Variants in OTUB2 observed in about 807,000 individuals in gnomAD.
OTUB2 encodes ubiquitin thioesterase OTUB2.
Under a neutral mutation model 25.1 loss-of-function variants are expected in OTUB2, and 21 were observed. That is an observed-to-expected ratio of 0.84 (90% confidence interval 0.59 to 1.21). OTUB2 has a LOEUF of 1.21. OTUB2 is among the 50% of genes most tolerant of loss of function. OTUB2 has a pLI of 0.00. For synonymous variants in OTUB2, 122 were observed against 122.8 expected, an observed-to-expected ratio of 0.99 and a Z score of 0.04; for missense variants, 283 against 298.0, an observed-to-expected ratio of 0.95 and a Z score of 0.37.
Position 94,046,144 on chromosome 14 carries a change from GCCC to G in OTUB2, c.*225_*227del. On this transcript the variant is annotated 3_prime_UTR_variant, in exon 6 of 6. Coordinates refer to ENST00000203664, the MANE Select transcript of OTUB2 (RefSeq NM_023112.4). Reference sequence around the variant, plus strand: ...GGAGGGACAAATGCTTTCTAACTGGGCCCCCGACTCCGCACCCCAGTTCGCAGT... The same window carrying G: ...GGAGGGACAAATGCTTTCTAACTGGGCCGACTCCGCACCCCAGTTCGCAGT... 3.2e-6 allele frequency: 2 copies of G among 625,702 alleles called. No individual in the cohort carries two copies. Among genetic ancestry groups the G allele is most frequent in the South Asian group, 4.0e-5 (2 of 49,894 alleles). The allele number at this position is 625,702 out of a possible 1,614,324, so 38.8% of individuals were successfully genotyped here.
rs1361960093 is a variant in OTUB2 at position 94,048,881 on chromosome 14, C to T, written c.*2959C>T. 6.6e-6 allele frequency: 1 copy of T among 152,230 alleles called. No individual in the cohort carries two copies. The highest frequency in any genetic ancestry group is 1.5e-5 in the Non-Finnish European group (1 of 68,042). The allele number at this position is 152,230 out of a possible 1,614,324, so 9.4% of individuals were successfully genotyped here. On this transcript the variant is annotated 3_prime_UTR_variant, in exon 6 of 6. Coordinates refer to ENST00000203664, the MANE Select transcript of OTUB2 (RefSeq NM_023112.4). ...GATGTGGGCCAAGCCCTACAGCTTC[C>T]CTAGGCAGTAAGTAAAAACATTCTC...
In OTUB2 at chr14:94,043,722, G is replaced by A. The variant is rs138796979; in HGVS notation, c.219-249G>A. On this transcript the variant is annotated intron_variant, in intron 3 of 5. Coordinates refer to ENST00000203664, the MANE Select transcript of OTUB2 (RefSeq NM_023112.4). ...TTGGAAAAGATGCAAAATCACACACGCCCTTGTCGTATCGTCTTTCCACCA... is the reference window on the plus strand; with the variant it reads ...TTGGAAAAGATGCAAAATCACACACACCCTTGTCGTATCGTCTTTCCACCA... 2.7e-4 allele frequency among the ~76,000 whole-genome samples: 41 copies of A among 152,336 alleles called. 1 individual carries two copies. The East Asian group carries it at 7.1e-3, about 27-fold the overall frequency.
intron 3 of OTUB2, among the ~76,000 whole-genome samples, chr14:94,040,061 C>T (rs1478106297): frequency 6.6e-6 from 1 of 152,280 alleles, no homozygotes; most frequent in Non-Finnish European, 1.5e-5. Flanking sequence ...ACCCCCTCCC[C>T]AAGTCATGAC....
chr14:94,027,113 C>G (rs1189569250), intron 1 of OTUB2, among the ~76,000 whole-genome samples: 1 of 152,090 alleles, frequency 6.6e-6, no homozygotes, highest in Non-Finnish European at 1.5e-5. Flanking sequence ...AGTTAGGGGT[C>G]GGGGAAAAGA....
chr14:94,030,973 G>A (rs1884951653), intron 1 of OTUB2, among the ~76,000 whole-genome samples: 1 of 152,202 alleles, frequency 6.6e-6, no homozygotes, highest in Non-Finnish European at 1.5e-5. Context: ...GTGGCCTCCA[G>A]CACTGTCAGA....
chr14:94,038,768 C>T (rs550847373), intron 2 of OTUB2, among the ~76,000 whole-genome samples, 195 bp from the exon 3 acceptor site: 21 of 152,258 alleles, frequency 1.4e-4, no homozygotes, highest in Non-Finnish European at 2.1e-4. Flanking sequence ...GGGGCAGGGA[C>T]GGACACACAG....
At chr14:94,042,696 G>A (rs1384344543) in intron 3 of OTUB2, among the ~76,000 whole-genome samples, 2 of 152,176 alleles carry the variant, frequency 1.3e-5, no homozygotes, top group Non-Finnish European at 2.9e-5. Flanking sequence ...GGTGGCTCCT[G>A]AGTGAGAGGC....
intron 1 of OTUB2, among the ~76,000 whole-genome samples, chr14:94,029,509 A>T (rs1884920281): frequency 6.6e-6 from 1 of 152,174 alleles, no homozygotes; most frequent in Non-Finnish European, 1.5e-5. Flanking sequence ...TTCTTCCTGT[A>T]TGCCGGTCTG....
intron 3 of OTUB2, among the ~76,000 whole-genome samples, chr14:94,042,135 G>A (rs562021719): frequency 6.6e-6 from 1 of 152,376 alleles, no homozygotes; most frequent in South Asian, 2.1e-4. Flanking sequence ...AGTATGCGAA[G>A]TACTTGTGTG....
chr14:94,030,529 G>A (rs532047753), intron 1 of OTUB2, among the ~76,000 whole-genome samples: 1 of 151,898 alleles, frequency 6.6e-6, no homozygotes, highest in Non-Finnish European at 1.5e-5. Context: ...AAGAGGGAAG[G>A]CCCGGGCCCA....
intron 3 of OTUB2, among the ~76,000 whole-genome samples, chr14:94,041,183 G>C (rs1156580080): frequency 6.6e-6 from 1 of 152,244 alleles, no homozygotes; most frequent in South Asian, 2.1e-4. Context: ...CTCACATGTT[G>C]GACATGGCAG....
intron 1 of OTUB2, among the ~76,000 whole-genome samples, chr14:94,028,877 G>A (rs1884911556): frequency 6.6e-6 from 1 of 152,184 alleles, no homozygotes; most frequent in Non-Finnish European, 1.5e-5. Flanking sequence ...CTGAGTTGAA[G>A]GATGTATATG....
intron 1 of OTUB2, among the ~76,000 whole-genome samples, chr14:94,028,178 G>A (rs1208046468): frequency 2.0e-5 from 3 of 152,258 alleles, no homozygotes; most frequent in African/African-American, 7.2e-5. Context: ...GAAGGATGAA[G>A]TGGTTAACCC....
At chr14:94,033,274 A>G (rs1362494965) in intron 1 of OTUB2, among the ~76,000 whole-genome samples, 2 of 152,114 alleles carry the variant, frequency 1.3e-5, no homozygotes, top group African/African-American at 4.8e-5. Flanking sequence ...CAAAAATGCA[A>G]ATTTTATGTT....
At chr14:94,043,491 G>A (rs1451887773) in intron 3 of OTUB2, among the ~76,000 whole-genome samples, 1 of 152,244 alleles carries the variant, frequency 6.6e-6, no homozygotes, top group Non-Finnish European at 1.5e-5. Context: ...GCCTGCAGTA[G>A]GTGCAGAGAG....
In OTUB2 at chr14:94,043,893, G is replaced by T. The variant is rs879211964; in HGVS notation, c.219-78G>T. On this transcript the variant is annotated intron_variant, in intron 3 of 5. Coordinates refer to ENST00000203664, the MANE Select transcript of OTUB2 (RefSeq NM_023112.4). Reference sequence around the variant, plus strand: ...ATGAGGTTGGTGGGCGCAGTGGGTTGAGAGGGGGACGCACAGTTGCCAATC... The same window carrying T: ...ATGAGGTTGGTGGGCGCAGTGGGTTTAGAGGGGGACGCACAGTTGCCAATC... 11 of 1,355,648 alleles carry T rather than the reference G, an allele frequency of 8.1e-6. No homozygotes were observed. The South Asian group carries it at 1.3e-4, about 16-fold the overall frequency. The allele number at this position is 1,355,648 out of a possible 1,614,324, so 84.0% of individuals were successfully genotyped here.
intron 1 of OTUB2, among the ~76,000 whole-genome samples, chr14:94,027,845 C>G (rs563459646): frequency 1.3e-5 from 2 of 152,238 alleles, no homozygotes; most frequent in African/African-American, 4.8e-5. Flanking sequence ...CTGGAAGCAC[C>G]AGCTTCCTGC....
rs752396017 is a variant in OTUB2 at position 94,038,957 on chromosome 14, C to A, written c.100-6C>A. On this transcript the variant is annotated splice_region_variant and splice_polypyrimidine_tract_variant and intron_variant, in intron 2 of 5. Transcript: ENST00000203664. ...AAATGCCCACATTTCTTTCTGTCCC[C>A]CTCAGGAACTCAGCAAAAGGTTCAC... is the stretch of plus-strand genomic sequence containing the variant. 6.2e-7 allele frequency: 1 copy of A among 1,613,720 alleles called. No individual in the cohort carries two copies. The highest frequency in any genetic ancestry group is 8.5e-7 in the Non-Finnish European group (1 of 1,179,602).
intron 1 of OTUB2, among the ~76,000 whole-genome samples, chr14:94,036,824 AG>A (rs1246256909): frequency 6.6e-6 from 1 of 152,182 alleles, no homozygotes; most frequent in Non-Finnish European, 1.5e-5. Context: ...TCCATGTACC[AG>A]TGCCACACAC....
Sources: allele counts gnomAD v4.1 joint callset (sites outside exome capture counted in the v4.1 genomes callset), GRCh38; gene constraint gnomAD v4.1.1; transcripts MANE v1.5; gene names NCBI Gene and HGNC (gene_info 2026-07-23, HGNC 2026-07-21).